Variants in LRRC8C observed in about 807,000 individuals in gnomAD.
LRRC8C encodes volume-regulated anion channel subunit LRRC8C.
LRRC8C carries 20 observed loss-of-function variants against 55.3 expected under a neutral mutation model. The ratio of observed to expected loss-of-function variants is 0.36; its 90% CI spans 0.25 to 0.53. LRRC8C has a LOEUF of 0.53. Among genes scored for constraint, LRRC8C ranks in the 20% least tolerant of loss-of-function variants. The pLI, the probability that LRRC8C is intolerant of heterozygous loss-of-function variation, is 0.92. For missense variants in LRRC8C, 659 were observed against 951.4 expected (o/e 0.69, Z 4.04); for synonymous variants, 376 against 360.7 (o/e 1.04, Z -0.48).
Position 89,718,294 on chromosome 1 carries a change from A to C in LRRC8C, c.*3312A>C, listed in dbSNP as rs1280596623. 1.3e-5 allele frequency: 2 copies of C among 152,134 alleles called. No homozygotes were observed. The highest frequency in any genetic ancestry group is 2.4e-5 in the African/African-American group (1 of 41,430). 9.4% of individuals were successfully genotyped at this position (152,134 alleles called of 1,614,324 possible). On this transcript the variant is annotated 3_prime_UTR_variant, in exon 3 of 3. Transcript: ENST00000370454. Reference sequence around the variant, plus strand: ...CTGCTTTTTCAGAAAGACCTGGAAAACATACCTGCTATGAATATTTTGTTC... The same window carrying C: ...CTGCTTTTTCAGAAAGACCTGGAAACCATACCTGCTATGAATATTTTGTTC...
At chr1:89,660,370 G>A (rs563983365) in intron 1 of LRRC8C, among the ~76,000 whole-genome samples, 73 of 152,148 alleles carry the variant, frequency 4.8e-4, no homozygotes, top group African/African-American at 1.7e-3. Context: ...ATCACTTGAG[G>A]ACCTCTAAAA....
chr1:89,693,891 G>C (rs12026064), intron 2 of LRRC8C, among the ~76,000 whole-genome samples: 2 of 151,810 alleles, frequency 1.3e-5, no homozygotes, highest in African/African-American at 4.8e-5. Context: ...TCCTGGCCTA[G>C]AGTGATCCAC....
At chr1:89,623,540 G>A in the LRRC8C span, among the ~76,000 whole-genome samples, 23 of 152,270 alleles carry the variant, frequency 1.5e-4, no homozygotes, top group African/African-American at 5.5e-4. Context: ...GGCTAACACA[G>A]TGAAATCCCG....
chr1:89,624,704 A>G, the LRRC8C span: 4 of 152,236 alleles, frequency 2.6e-5, no homozygotes, highest in African/African-American at 9.7e-5. Context: ...TCCAACAAGA[A>G]AAGTCTTATG....
rs563812426 is a variant in LRRC8C, at chr1:89,715,741, T to C, written c.*759T>C. 19 of 152,354 alleles carry C rather than the reference T, an allele frequency of 1.2e-4. No homozygotes were observed. Among genetic ancestry groups the C allele is most frequent in the African/African-American group, 4.6e-4 (19 of 41,580 alleles). The allele number at this position is 152,354 out of a possible 1,614,324, so 9.4% of individuals were successfully genotyped here. ...TGCTATGTAGTACTGGTGAACAACTTTGGAGAACCTAGATTTATTTTAATA... is the reference window on the plus strand; with the variant it reads ...TGCTATGTAGTACTGGTGAACAACTCTGGAGAACCTAGATTTATTTTAATA... On this transcript the variant is annotated 3_prime_UTR_variant, in exon 3 of 3. Transcript: ENST00000370454.
At chr1:89,638,081 C>T (rs1036288438) in intron 1 of LRRC8C, among the ~76,000 whole-genome samples, 3 of 152,114 alleles carry the variant, frequency 2.0e-5, no homozygotes, top group Admixed American at 2.0e-4. Flanking sequence ...AGGGAAGTAA[C>T]TGAAAATGTT....
intron 2 of LRRC8C, among the ~76,000 whole-genome samples, chr1:89,691,340 C>T (rs1557663067): frequency 6.6e-6 from 1 of 152,048 alleles, no homozygotes; most frequent in African/African-American, 2.4e-5. Context: ...TTTAATAAGA[C>T]GCATGAAGGG....
rs1031241739 is a variant in LRRC8C at position 89,667,158 on chromosome 1, A to T, written c.-4-19312A>T. Among the ~76,000 whole-genome samples the T allele has an allele frequency of 2.0e-5, 3 of 152,002 alleles. No homozygotes were observed. In the East Asian group the frequency reaches 5.8e-4, roughly 29 times the overall value. On this transcript the variant is annotated intron_variant, in intron 1 of 2. Transcript: ENST00000370454. Reference sequence around the variant, plus strand: ...GCTCCTTGCTGCAGGAAGTCCTTAGACCGTTTTCTCCTCTCTATATGCTGC... The same window carrying T: ...GCTCCTTGCTGCAGGAAGTCCTTAGTCCGTTTTCTCCTCTCTATATGCTGC...
intron 1 of LRRC8C, among the ~76,000 whole-genome samples, chr1:89,642,714 G>A (rs1656495246): frequency 6.6e-6 from 1 of 152,208 alleles, no homozygotes; most frequent in Non-Finnish European, 1.5e-5. Flanking sequence ...CAGGCATAGT[G>A]GCACGCACCT....
Position 89,689,008 on chromosome 1 carries a change from G to C in LRRC8C, c.138+2397G>C, listed in dbSNP as rs555898097. On this transcript the variant is annotated intron_variant, in intron 2 of 2. Coordinates refer to ENST00000370454, the MANE Select transcript of LRRC8C (RefSeq NM_032270.5). ...AAAGTAGATCACTTTCCTTGCACTG[G>C]AGATGATTTGGGGAGGAGAGGCTCA... Among the ~76,000 whole-genome samples the C allele has an allele frequency of 2.4e-3, 367 of 152,336 alleles. 5 individuals carry two copies. Among genetic ancestry groups the C allele is most frequent in the Admixed American group, 0.018 (270 of 15,306 alleles).
intron 2 of LRRC8C, among the ~76,000 whole-genome samples, chr1:89,709,014 T>G (rs2101348787): frequency 6.6e-6 from 1 of 152,360 alleles, no homozygotes; most frequent in South Asian, 2.1e-4. Context: ...ATTACTGTCT[T>G]TATTCTCCTG....
Position 89,714,982 on chromosome 1 carries a change from A to G in LRRC8C, c.2412A>G (p.Ter804=). The change falls in exon 3 of 3, where the codon TAA becomes TAG. Residue 804 remains the stop codon, a stop_retained_variant. Transcript: ENST00000370454. This position sits in a 1 kb window ranked among gnomAD's most constrained non-coding sequence, Gnocchi z 4.6. ...SDVREQMKTE[*] is the part of the protein sequence containing the mutation. ...TCCGGGAGCAAATGAAAACAGAATA[A>G]CTTATTTTTCGTTAAAGTTTGACTG... 6.4e-7 allele frequency: 1 copy of G among 1,565,138 alleles called. No individual in the cohort carries two copies. Among genetic ancestry groups the G allele is most frequent in the Non-Finnish European group, 8.6e-7 (1 of 1,158,184 alleles).
At chr1:89,669,732 G>A (rs1312571575) in intron 1 of LRRC8C, among the ~76,000 whole-genome samples, 1 of 152,122 alleles carries the variant, frequency 6.6e-6, no homozygotes, top group Non-Finnish European at 1.5e-5. Flanking sequence ...TGACTTCAGT[G>A]CCATGCTCCC....
intron 1 of LRRC8C, 36 bp downstream of exon 1, chr1:89,633,358 G>T (rs1435734513): frequency 6.6e-6 from 1 of 152,396 alleles, no homozygotes; most frequent in Non-Finnish European, 1.5e-5. Flanking sequence ...ATGGAGAGGG[G>T]CAGCCCGCAG....
intron 1 of LRRC8C, among the ~76,000 whole-genome samples, chr1:89,680,549 C>CTTTTTTTTTTTT (rs10593283): frequency 3.3e-5 from 3 of 91,870 alleles, no homozygotes; most frequent in South Asian, 4.6e-4. Flanking sequence ...TGCTTTCATG[C>CTTTTTTTTTTTT]TTTTTTTTTT....
chr1:89,659,030 A>G (rs1657027489), intron 1 of LRRC8C, among the ~76,000 whole-genome samples: 2 of 138,756 alleles, frequency 1.4e-5, no homozygotes, highest in African/African-American at 2.7e-5. Context: ...AGGAAATTTT[A>G]GGTTGTGTCT....
intron 2 of LRRC8C, among the ~76,000 whole-genome samples, chr1:89,712,206 G>T (rs1658668393): frequency 1.3e-5 from 2 of 152,072 alleles, no homozygotes; most frequent in African/African-American, 2.4e-5. Context: ...TCCACCTCCT[G>T]GGTTCAAGCA....
chr1:89,637,921 G>A (rs969559490), intron 1 of LRRC8C, among the ~76,000 whole-genome samples: 15 of 152,052 alleles, frequency 9.9e-5, no homozygotes, highest in African/African-American at 3.6e-4. Flanking sequence ...TTTAAAATAC[G>A]GTTCTAAGTC....
chr1:89,671,230 A>AT (rs1323182832), intron 1 of LRRC8C, among the ~76,000 whole-genome samples: 1 of 152,060 alleles, frequency 6.6e-6, no homozygotes, highest in Non-Finnish European at 1.5e-5. Context: ...TTTATCTTCT[A>AT]TCCCCAGTGC....
Sources: gnomAD v4.1 joint callset for allele counts (sites outside exome capture counted in the v4.1 genomes callset) on GRCh38, gnomAD v4.1.1 for gene constraint, Gnocchi (gnomAD v3.1) non-coding constraint, MANE v1.5 for transcripts, NCBI Gene and HGNC (gene_info 2026-07-23, HGNC 2026-07-21) for gene names.